Variants in FAM131A observed in about 807,000 individuals in gnomAD.
FAM131A encodes family with sequence similarity 131 member A.
Under a neutral mutation model 39.2 loss-of-function variants are expected in FAM131A, and 24 were observed. The observed-to-expected ratio is 0.61, with a 90% CI of 0.44 to 0.86. FAM131A has a LOEUF of 0.86. FAM131A is among the 40% of genes least tolerant of loss of function. The pLI is 0.00. For synonymous variants in FAM131A, 202 were observed against 206.8 expected (o/e 0.98, Z 0.20); for missense variants, 373 against 481.2 (o/e 0.78, Z 2.10).
rs777971261 is a variant in FAM131A, at chr3:184,344,524, C to A, written c.655C>A (p.His219Asn). 2.6e-6 allele frequency: 4 copies of A among 1,541,064 alleles called. No homozygotes were observed. Reference sequence around the variant, plus strand: ...GGCTGGGCAGCTGCCCCTGGGGCCGCACCTCCAGGACCTGTTCACCGGCCA... The same window carrying A: ...GGCTGGGCAGCTGCCCCTGGGGCCGAACCTCCAGGACCTGTTCACCGGCCA... ...DMAGQLPLGP[H>N]LQDLFTGHRF... is the part of the protein sequence containing the mutation. The change falls in exon 6 of 6, where the codon CAC becomes AAC. Residue 219 changes from histidine to asparagine, a missense_variant. Physicochemically the swap from His to Asn is moderately conservative, Grantham distance 68 (BLOSUM62 1). Around this residue, in one of 2 missense-constraint regions of FAM131A, gnomAD observed 221 missense variants for 347.7 expected, o/e 0.64. Transcript: ENST00000383847.
At chr3:184,338,068 C>G (rs1297403513) in intron 1 of FAM131A, among the ~76,000 whole-genome samples, 1 of 152,046 alleles carries the variant, frequency 6.6e-6, no homozygotes, top group Admixed American at 6.5e-5. Flanking sequence ...ACTCAGTGTG[C>G]TTTCCAAGAG....
At chr3:184,338,851 G>A in intron 2 of FAM131A, 1 of 254,646 alleles carries the variant, frequency 3.9e-6, no homozygotes, top group South Asian at 6.0e-5. Context: ...GGAGCGCCGG[G>A]CACGGATGGC....
Position 184,344,540 on chromosome 3 carries a change from TCACCGGC to T in FAM131A, c.678_684del (p.His227SerfsTer107). 6.3e-7 allele frequency: 1 copy of T among 1,579,680 alleles called. No individual in the cohort carries two copies. The highest frequency in any genetic ancestry group is 8.6e-7 in the Non-Finnish European group (1 of 1,161,568). On this transcript the variant is annotated frameshift_variant, in exon 6 of 6. Coordinates refer to ENST00000383847, the MANE Select transcript of FAM131A (RefSeq NM_144635.5). LOFTEE classifies it high-confidence loss of function. ...CTGGGGCCGCACCTCCAGGACCTGT[TCACCGGC>T]CACCGGTTCTCCCGGCCTGTGCGCC...
At chr3:184,338,766 G>A in intron 2 of FAM131A, 2 of 497,424 alleles carry the variant, frequency 4.0e-6, no homozygotes, top group Non-Finnish European at 7.1e-6. Flanking sequence ...GCCGTATCCC[G>A]GGAGACCCTG....
intron 2 of FAM131A, 50 bp downstream of exon 2, chr3:184,338,579 G>A: frequency 1.3e-6 from 2 of 1,520,360 alleles, no homozygotes; most frequent in Non-Finnish European, 8.8e-7. Context: ...CCATATAAAG[G>A]GGATCTGCAG....
intron 2 of FAM131A, 122 bp downstream of exon 2, chr3:184,338,651 C>G (rs984127398): frequency 3.7e-6 from 5 of 1,369,206 alleles, no homozygotes; most frequent in African/African-American, 2.9e-5. Flanking sequence ...GAGGCGCTAT[C>G]CGGCGGCGGG....
intron 2 of FAM131A, 87 bp downstream of exon 2, chr3:184,338,616 T>A: frequency 6.7e-7 from 1 of 1,483,394 alleles, no homozygotes; most frequent in Non-Finnish European, 9.0e-7. Context: ...GCCAGCCAGC[T>A]TCTGGCTCCC....
intron 2 of FAM131A, 123 bp downstream of exon 2, chr3:184,338,652 C>G: frequency 7.4e-7 from 1 of 1,355,494 alleles, no homozygotes; most frequent in South Asian, 1.4e-5. Context: ...AGGCGCTATC[C>G]GGCGGCGGGC....
Position 184,342,903 on chromosome 3 carries a change from T to C in FAM131A, c.625+43T>C, listed in dbSNP as rs1727449300. 2.0e-6 allele frequency: 3 copies of C among 1,519,122 alleles called. No individual in the cohort carries two copies. The highest frequency in any genetic ancestry group is 2.7e-6 in the Non-Finnish European group (3 of 1,095,558). 94.1% of individuals were successfully genotyped at this position (1,519,122 alleles called of 1,614,324 possible). On this transcript the variant is annotated intron_variant, in intron 5 of 5. Coordinates refer to ENST00000383847, the MANE Select transcript of FAM131A (RefSeq NM_144635.5). This position sits in a 1 kb window ranked among gnomAD's most constrained non-coding sequence, Gnocchi z 4.6. ...CTAGGGCTGTGGTGGACCCACCTGA[T>C]AGACCTTGGCATTCTTTCAGAGCCA...
intron 3 of FAM131A, 114 bp downstream of exon 3, chr3:184,341,931 C>T (rs766542838): frequency 6.7e-7 from 1 of 1,496,740 alleles, no homozygotes; most frequent in Non-Finnish European, 9.3e-7. Flanking sequence ...TCTTCCCTTG[C>T]TCAGGTGAAT....
chr3:184,341,753 G>A lies in FAM131A; in HGVS notation c.261G>A (p.Leu87=), dbSNP rs1462299503. 12 of 1,611,322 alleles carry A rather than the reference G, an allele frequency of 7.4e-6. No individual in the cohort carries two copies. Among genetic ancestry groups the A allele is most frequent in the African/African-American group, 1.3e-5 (1 of 74,896 alleles). Residue 87 remains leucine (L), a synonymous_variant, in exon 3 of 6, where the codon CTG becomes CTA. Coordinates refer to ENST00000383847, the MANE Select transcript of FAM131A (RefSeq NM_144635.5). ...ATGTTGGAGACACAGTCGCGATGCT[G>A]CCCAAGTCCCGGCGAGCCCTAACTA... ...EVNVGDTVAM[L]PKSRRALTIQ...
At chr3:184,337,742 G>C in intron 1 of FAM131A, 24 bp downstream of exon 1, 1 of 1,534,146 alleles carries the variant, frequency 6.5e-7, no homozygotes, top group African/African-American at 1.4e-5. Context: ...TCATGGATGT[G>C]ATCTGGGAGA....
rs755081249 is a variant in FAM131A, at chr3:184,342,741, C to G, written c.509-3C>G. On this transcript the variant is annotated splice_polypyrimidine_tract_variant and splice_region_variant and intron_variant, in intron 4 of 5. Coordinates refer to ENST00000383847, the MANE Select transcript of FAM131A (RefSeq NM_144635.5). This position sits in a 1 kb window ranked among gnomAD's most constrained non-coding sequence, Gnocchi z 4.6. ...CTGCTTATGCATTCTGTCCCTGCGA[C>G]AGGAGTGGCTGAGCAGTTTGCCATC... The G allele has an allele frequency of 3.7e-6, 6 of 1,612,306 alleles. No homozygotes were observed. In the East Asian group the frequency reaches 1.3e-4, roughly 36 times the overall value.
intron 2 of FAM131A, chr3:184,339,853 G>C (rs951490142): frequency 1.3e-5 from 2 of 152,706 alleles, no homozygotes; most frequent in East Asian, 3.8e-4. Flanking sequence ...GGATCCTTCA[G>C]GGCCTGGGTA....
In FAM131A at chr3:184,344,834, C is replaced by T; in HGVS notation, c.965C>T (p.Pro322Leu). The change falls in exon 6 of 6, where the codon CCA becomes CTA. Residue 322 changes from proline (P) to leucine (L), a missense_variant. Pro to Leu is a moderately conservative substitution (Grantham distance 98). This residue lies in a region of FAM131A where 152 missense variants were observed against 133.5 expected (regional missense o/e 1.14). Transcript: ENST00000383847. ...ESCLSPAEEE[P>L]APCKDCQPLC... ...TGCCTTTCCCCCGCGGAGGAGGAGC[C>T]AGCCCCCTGCAAGGACTGCCAGCCA... 1.9e-6 allele frequency: 3 copies of T among 1,611,644 alleles called. No homozygotes were observed. Among genetic ancestry groups the T allele is most frequent in the Non-Finnish European group, 2.5e-6 (3 of 1,179,872 alleles).
At position 184,345,158 on chromosome 3, in the gene FAM131A, C is replaced by T. The variant is rs1049755568; in HGVS notation, c.*188C>T. ...GAGGAGGCAGGGGCTGGGCTGGGGG[C>T]GCATGTCCTGCCCCCACTCCCGGGG... On this transcript the variant is annotated 3_prime_UTR_variant, in exon 6 of 6. Coordinates refer to ENST00000383847, the MANE Select transcript of FAM131A (RefSeq NM_144635.5). 5 of 652,522 alleles carry T rather than the reference C, an allele frequency of 7.7e-6. No homozygotes were observed. Among genetic ancestry groups the T allele is most frequent in the African/African-American group, 1.8e-5 (1 of 54,666 alleles). 40.4% of individuals were successfully genotyped at this position (652,522 alleles called of 1,614,324 possible).
rs757997075 is a variant in FAM131A at position 184,345,467 on chromosome 3, C to G, written c.*497C>G. On this transcript the variant is annotated 3_prime_UTR_variant, in exon 6 of 6. Coordinates refer to ENST00000383847, the MANE Select transcript of FAM131A (RefSeq NM_144635.5). ...GGGCTGGCTCCTGCCCTCCCGGAGC[C>G]TATGGGTTGAGCCGTCCCTCAAGGG... 2 of 700,742 alleles carry G rather than the reference C, an allele frequency of 2.9e-6. No individual in the cohort carries two copies. Among genetic ancestry groups the G allele is most frequent in the South Asian group, 3.0e-5 (2 of 67,332 alleles). The allele number at this position is 700,742 out of a possible 1,614,324, so 43.4% of individuals were successfully genotyped here. A position where few individuals can be genotyped will look rare whatever the true frequency, so the allele number is the denominator to read the frequency against.
chr3:184,338,635 C>T (rs1431223722), intron 2 of FAM131A, 106 bp downstream of exon 2: 7 of 1,428,770 alleles, frequency 4.9e-6, no homozygotes, highest in Admixed American at 2.3e-5. Flanking sequence ...CCTTTTCCGG[C>T]GGGCGGAGGC....
chr3:184,338,707 C>T, intron 2 of FAM131A, 178 bp downstream of exon 2: 1 of 742,606 alleles, frequency 1.3e-6, no homozygotes, highest in Non-Finnish European at 2.1e-6. Context: ...GGCGCTGTGC[C>T]AGCAGGCGGA....
Sources: allele counts gnomAD v4.1 joint callset (sites outside exome capture counted in the v4.1 genomes callset), GRCh38; gene constraint gnomAD v4.1.1; regional missense constraint gnomAD v4.1.1; non-coding constraint Gnocchi (gnomAD v3.1); transcripts MANE v1.5; gene names NCBI Gene and HGNC (gene_info 2026-07-23, HGNC 2026-07-21).